Variants in LINGO2 observed in about 807,000 individuals in gnomAD.
The protein encoded by LINGO2 is leucine rich repeat and Ig domain containing 2.
LINGO2 carries 14 observed loss-of-function variants against 30.6 expected under a neutral mutation model. That is an observed-to-expected ratio of 0.46 (90% CI 0.30 to 0.72). The LOEUF (loss-of-function observed/expected upper bound fraction) is 0.72, where lower values mean the gene tolerates loss of function less well. Among genes scored for constraint, LINGO2 ranks in the 30% least tolerant of loss-of-function variants. The pLI, the probability that LINGO2 is intolerant of heterozygous loss-of-function variation, is 0.07. For synonymous variants in LINGO2, 317 were observed against 288.5 expected (o/e 1.10, Z -1.00); for missense variants, 729 against 751.7 (o/e 0.97, Z 0.35).
At chr9:28,848,053 A>AGTG in the LINGO2 span, among the ~76,000 whole-genome samples, 1,054 of 14,258 alleles carry the variant, frequency 0.074, 181 homozygotes, top group Non-Finnish European at 0.11. Context: ...TAGTATATAT[A>AGTG]TATATATATG....
At chr9:28,941,611 T>G in the LINGO2 span, among the ~76,000 whole-genome samples, 1 of 152,306 alleles carries the variant, frequency 6.6e-6, no homozygotes, top group South Asian at 2.1e-4. Context: ...CTCCACTCAC[T>G]TATTCATGCA....
chr9:28,372,983 G>T (rs994357927), intron 2 of LINGO2, 115 bp from the exon 5 acceptor site: 2 of 148,864 alleles, frequency 1.3e-5, no homozygotes, highest in Non-Finnish European at 1.5e-5. Flanking sequence ...CATTTTTCTT[G>T]TTGACAGGAA....
At chr9:28,751,956 A>G in the LINGO2 span, among the ~76,000 whole-genome samples, 1 of 152,062 alleles carries the variant, frequency 6.6e-6, no homozygotes, top group African/African-American at 2.4e-5. Flanking sequence ...CCATCCATGG[A>G]ATGTAATAGC....
At chr9:28,553,667 G>A (rs1036625921) in intron 1 of LINGO2, among the ~76,000 whole-genome samples, 5 of 151,824 alleles carry the variant, frequency 3.3e-5, no homozygotes, top group Admixed American at 6.6e-5. Flanking sequence ...GATACTCCTC[G>A]AGAAGAGCAA....
At chr9:28,186,280 G>T (rs1819539345) in intron 4 of LINGO2, among the ~76,000 whole-genome samples, 1 of 152,136 alleles carries the variant, frequency 6.6e-6, no homozygotes, top group African/African-American at 2.4e-5. Flanking sequence ...TTCTAAAGAG[G>T]CGCTGATTCT....
At chr9:29,194,589 G>A in the LINGO2 span, among the ~76,000 whole-genome samples, 8 of 152,090 alleles carry the variant, frequency 5.3e-5, no homozygotes, top group African/African-American at 1.7e-4. Flanking sequence ...TAGTCCCTAT[G>A]ATCTCCAAAT....
intron 4 of LINGO2, among the ~76,000 whole-genome samples, chr9:28,222,383 T>G (rs563545431): frequency 6.6e-6 from 1 of 152,284 alleles, no homozygotes; most frequent in South Asian, 2.1e-4. Flanking sequence ...TCACAGCTTT[T>G]GAATCGAATA....
intron 4 of LINGO2, among the ~76,000 whole-genome samples, chr9:28,214,061 ACT>A (rs1167281718): frequency 6.6e-6 from 1 of 151,598 alleles, no homozygotes; most frequent in African/African-American, 2.4e-5. Flanking sequence ...ATATTTTCCT[ACT>A]TGAACAAAAC....
intron 4 of LINGO2, among the ~76,000 whole-genome samples, chr9:28,113,284 A>C (rs1448686040): frequency 0.045 from 3,281 of 73,630 alleles, 101 homozygotes; most frequent in Middle Eastern, 0.097. Flanking sequence ...CTGTTTTGGT[A>C]CCAGTACCAT....
intron 4 of LINGO2, among the ~76,000 whole-genome samples, chr9:28,245,907 A>C (rs1821980287): frequency 6.6e-6 from 1 of 152,188 alleles, no homozygotes; most frequent in Admixed American, 6.5e-5. Context: ...TCATCAAACT[A>C]CCATTAACAT....
chr9:29,031,272 G>GATTTATTT, the LINGO2 span, among the ~76,000 whole-genome samples: 2 of 146,256 alleles, frequency 1.4e-5, no homozygotes, highest in Non-Finnish European at 3.0e-5. Flanking sequence ...TGGTGGTGGT[G>GATTTATTT]ATTTATTTAT....
the LINGO2 span, among the ~76,000 whole-genome samples, chr9:28,743,321 C>G: frequency 6.6e-6 from 1 of 152,022 alleles, no homozygotes; most frequent in South Asian, 2.1e-4. Context: ...TCTCCTAATG[C>G]TATCCCTCCC....
chr9:28,558,679 C>T (rs981306767), intron 1 of LINGO2, among the ~76,000 whole-genome samples: 10 of 151,958 alleles, frequency 6.6e-5, no homozygotes, highest in East Asian at 1.9e-4. Context: ...AAAAGAGTAT[C>T]GTAATGAACA....
At chr9:28,481,636 A>C (rs1238864244) in intron 1 of LINGO2, among the ~76,000 whole-genome samples, 2 of 151,576 alleles carry the variant, frequency 1.3e-5, no homozygotes, top group Non-Finnish European at 2.9e-5. Context: ...ATTTTTTATT[A>C]TTATACTTTA....
chr9:28,423,681 A>G (rs1043615712), intron 2 of LINGO2, among the ~76,000 whole-genome samples: 9 of 152,050 alleles, frequency 5.9e-5, no homozygotes, highest in Non-Finnish European at 1.3e-4. Context: ...TGTGAAGAAA[A>G]CTGAATTTAC....
At chr9:29,025,731 G>T in the LINGO2 span, among the ~76,000 whole-genome samples, 1 of 152,108 alleles carries the variant, frequency 6.6e-6, no homozygotes, top group Non-Finnish European at 1.5e-5. Flanking sequence ...TCACCATGTT[G>T]TGTAACAGAT....
chr9:28,080,290 C>T (rs1825737678), intron 4 of LINGO2, among the ~76,000 whole-genome samples: 1 of 152,176 alleles, frequency 6.6e-6, no homozygotes, highest in Non-Finnish European at 1.5e-5. Context: ...ATATGACCTC[C>T]TACCTGATCG....
the LINGO2 span, among the ~76,000 whole-genome samples, chr9:28,812,190 A>G: frequency 2.0e-5 from 3 of 152,102 alleles, no homozygotes; most frequent in Admixed American, 2.0e-4. Context: ...GGAACTAAAG[A>G]GAGGAGAAGG....
chr9:28,925,283 C>G, the LINGO2 span, among the ~76,000 whole-genome samples: 1 of 152,156 alleles, frequency 6.6e-6, no homozygotes, highest in African/African-American at 2.4e-5. Flanking sequence ...CTAAGAATAT[C>G]TTTGTTTACC....
Sources: allele counts gnomAD v4.1 joint callset (sites outside exome capture counted in the v4.1 genomes callset), GRCh38; gene constraint gnomAD v4.1.1; transcripts MANE v1.5; gene names NCBI Gene and HGNC (gene_info 2026-07-23, HGNC 2026-07-21).